Variants in SLC71A2 observed in about 807,000 individuals in gnomAD.
The protein encoded by SLC71A2 is solute carrier family 71 member 2.
chr9:94,410,412 C>T, the SLC71A2 span, among the ~76,000 whole-genome samples: 1 of 151,564 alleles, frequency 6.6e-6, no homozygotes, highest in Non-Finnish European at 1.5e-5. Context: ...CTATTTTTTT[C>T]CCCCCCTAAG....
chr9:94,376,713 T>C, the SLC71A2 span, among the ~76,000 whole-genome samples: 1 of 94,860 alleles, frequency 1.1e-5, no homozygotes, highest in African/African-American at 4.4e-5. Flanking sequence ...ACTAATGTTG[T>C]TAGTATTTTG....
chr9:94,379,779 C>T, the SLC71A2 span, among the ~76,000 whole-genome samples: 2 of 152,124 alleles, frequency 1.3e-5, no homozygotes, highest in Admixed American at 6.5e-5. Flanking sequence ...AAATATTGCA[C>T]GTGTTGATAA....
At chr9:94,395,736 G>A in the SLC71A2 span, among the ~76,000 whole-genome samples, 6 of 152,294 alleles carry the variant, frequency 3.9e-5, no homozygotes, top group African/African-American at 1.4e-4. Flanking sequence ...GGGCCATGTA[G>A]CTCATTCCTG....
chr9:94,440,919 G>T, the SLC71A2 span: 1 of 892,844 alleles, frequency 1.1e-6, no homozygotes, highest in East Asian at 2.5e-5. Context: ...TGATGTCTTT[G>T]GCTCAGGTAA....
At chr9:94,453,791 C>G in the SLC71A2 span, among the ~76,000 whole-genome samples, 1 of 152,262 alleles carries the variant, frequency 6.6e-6, no homozygotes, top group South Asian at 2.1e-4. Flanking sequence ...CCCCAACACT[C>G]CACCCCTGTA....
At chr9:94,419,449 A>G in the SLC71A2 span, among the ~76,000 whole-genome samples, 2 of 151,932 alleles carry the variant, frequency 1.3e-5, no homozygotes, top group South Asian at 4.2e-4. Flanking sequence ...GCCCGCCACC[A>G]TGCCTGGCTC....
chr9:94,457,674 A>G, the SLC71A2 span, among the ~76,000 whole-genome samples: 1 of 152,188 alleles, frequency 6.6e-6, no homozygotes, highest in Admixed American at 6.5e-5. Flanking sequence ...CATTTGGGGC[A>G]TGGATTTTCT....
the SLC71A2 span, among the ~76,000 whole-genome samples, chr9:94,418,064 T>G: frequency 2.6e-5 from 4 of 152,202 alleles, no homozygotes; most frequent in Middle Eastern, 6.8e-3. Flanking sequence ...GGTTTCACCA[T>G]GTTGGCCAGG....
At chr9:94,456,475 T>C in the SLC71A2 span, 1 of 624,072 alleles carries the variant, frequency 1.6e-6, no homozygotes, top group Non-Finnish European at 2.9e-6. Flanking sequence ...CTATTTACTT[T>C]GGCAGATAGG....
chr9:94,441,347 A>G, the SLC71A2 span, among the ~76,000 whole-genome samples: 77,136 of 151,910 alleles, frequency 0.51, 19,794 homozygotes, highest in Admixed American at 0.6. Context: ...AGGCAGAGCC[A>G]GAGCAGGCAT....
the SLC71A2 span, among the ~76,000 whole-genome samples, chr9:94,412,854 TCTC>T: frequency 1.6e-4 from 20 of 125,862 alleles, no homozygotes; most frequent in Non-Finnish European, 2.6e-4. Flanking sequence ...ATGAAGAATG[TCTC>T]CTAATAGGTG....
chr9:94,442,989 G>C, the SLC71A2 span, among the ~76,000 whole-genome samples: 11 of 152,182 alleles, frequency 7.2e-5, no homozygotes, highest in Admixed American at 5.9e-4. Context: ...GTGAGGGACA[G>C]CTTTCTTCTA....
the SLC71A2 span, among the ~76,000 whole-genome samples, chr9:94,447,531 G>A: frequency 6.8e-6 from 1 of 147,424 alleles, no homozygotes; most frequent in African/African-American, 2.5e-5. Flanking sequence ...AACAGTTTTA[G>A]GTTCACAGCA....
the SLC71A2 span, among the ~76,000 whole-genome samples, chr9:94,402,087 T>G: frequency 6.6e-6 from 1 of 152,180 alleles, no homozygotes; most frequent in African/African-American, 2.4e-5. Flanking sequence ...TTAGCCAGCT[T>G]CTTTACTGTA....
At chr9:94,418,515 TCAC>T in the SLC71A2 span, among the ~76,000 whole-genome samples, 1 of 152,142 alleles carries the variant, frequency 6.6e-6, no homozygotes, top group African/African-American at 2.4e-5. Context: ...TGATCTCGGC[TCAC>T]TGCAACCTCC....
At chr9:94,397,756 G>A in the SLC71A2 span, among the ~76,000 whole-genome samples, 227 of 152,292 alleles carry the variant, frequency 1.5e-3, 1 homozygote, top group African/African-American at 4.8e-3. Context: ...GATTAATCTT[G>A]TTGTTTTTCT....
At chr9:94,459,446 C>T in the SLC71A2 span, 1 of 1,609,194 alleles carries the variant, frequency 6.2e-7, no homozygotes, top group Admixed American at 1.7e-5. Context: ...CATACGCCAT[C>T]TCTGAGAGCC....
the SLC71A2 span, among the ~76,000 whole-genome samples, chr9:94,401,105 C>T: frequency 2.0e-5 from 3 of 149,964 alleles, no homozygotes; most frequent in Non-Finnish European, 3.0e-5. Flanking sequence ...TTTTTTGAGA[C>T]GGAGTTTCGC....
At chr9:94,459,080 T>G in the SLC71A2 span, 1 of 1,448,644 alleles carries the variant, frequency 6.9e-7, no homozygotes, top group Admixed American at 2.0e-5. Flanking sequence ...GTGGTGTGTT[T>G]TTTTTGGGTA....
Sources: allele counts gnomAD v4.1 joint callset (sites outside exome capture counted in the v4.1 genomes callset), GRCh38; gene constraint gnomAD v4.1.1; transcripts MANE v1.5; gene names NCBI Gene and HGNC (gene_info 2026-07-23, HGNC 2026-07-21).